The following MCCC1 variants were observed in gnomAD, a reference collection of about 807,000 sequenced individuals.
The protein encoded by MCCC1 is methylcrotonoyl-CoA carboxylase subunit alpha, mitochondrial.
In MCCC1, 64 loss-of-function variants were observed where a neutral mutation model predicts 83.8. The ratio of observed to expected loss-of-function variants is 0.76; its 90% CI spans 0.62 to 0.94. MCCC1 has a LOEUF of 0.94. Among genes scored for constraint, MCCC1 ranks in the 40% least tolerant of loss-of-function variants. MCCC1 has a pLI of 0.00. For missense variants in MCCC1, 807 were observed against 904.7 expected (o/e 0.89, Z 1.39); for synonymous variants, 322 against 315.4 (o/e 1.02, Z -0.22).
At chr3:183,059,926 C>T (rs1184392203) in intron 7 of MCCC1, among the ~76,000 whole-genome samples, 1 of 151,878 alleles carries the variant, frequency 6.6e-6, no homozygotes, top group East Asian at 1.9e-4. Flanking sequence ...TCTTTCTTTT[C>T]CTGCATTTGA....
intron 1 of MCCC1, among the ~76,000 whole-genome samples, chr3:183,095,030 TC>T (rs1284883881): frequency 1.3e-5 from 2 of 152,142 alleles, no homozygotes; most frequent in African/African-American, 2.4e-5. Context: ...ACACCTGTAA[TC>T]CCAGCACTTT....
At chr3:183,028,612 T>A (rs972549268) in intron 14 of MCCC1, among the ~76,000 whole-genome samples, 1 of 152,200 alleles carries the variant, frequency 6.6e-6, no homozygotes, top group Non-Finnish European at 1.5e-5. Context: ...TTAGAAGACG[T>A]TAATGACTCA....
chr3:183,108,062 T>C (rs1332421762), intron 1 of MCCC1, among the ~76,000 whole-genome samples: 2 of 152,216 alleles, frequency 1.3e-5, no homozygotes, highest in Admixed American at 6.5e-5. Context: ...CGTTGATCTC[T>C]GTTGTGCAAA....
chr3:183,018,819 C>G (rs1057115545), intron 17 of MCCC1, among the ~76,000 whole-genome samples: 2 of 152,200 alleles, frequency 1.3e-5, no homozygotes, highest in African/African-American at 4.8e-5. Flanking sequence ...TGTTTGAAGT[C>G]TTCAGAGCCC....
chr3:183,079,646 G>A (rs1717342817), intron 4 of MCCC1, among the ~76,000 whole-genome samples: 1 of 152,140 alleles, frequency 6.6e-6, no homozygotes, highest in Non-Finnish European at 1.5e-5. Context: ...TCTGGGGTCT[G>A]GAAGACAGTG....
chr3:183,111,238 C>T (rs1719487971), intron 1 of MCCC1, among the ~76,000 whole-genome samples: 1 of 152,164 alleles, frequency 6.6e-6, no homozygotes, highest in African/African-American at 2.4e-5. Flanking sequence ...ATGCAATACG[C>T]AGCACCCTGT....
At chr3:183,029,938 C>T (rs1036555236) in intron 14 of MCCC1, among the ~76,000 whole-genome samples, 1 of 152,164 alleles carries the variant, frequency 6.6e-6, no homozygotes, top group Non-Finnish European at 1.5e-5. Flanking sequence ...GGAGGCCCCA[C>T]CCTCTCAGTC....
chr3:183,094,608 A>G lies in MCCC1; in HGVS notation c.90-3T>C, dbSNP rs764732302. The G allele has an allele frequency of 3.7e-6, 6 of 1,613,562 alleles. No homozygotes were observed. The East Asian group carries it at 1.3e-4, about 36-fold the overall frequency. ...TTCTTTGCCTCCACACCCATGTCCT[A>G]TAACATAAATCCAAAAGGAATTACA... On this transcript the variant is annotated splice_region_variant and splice_polypyrimidine_tract_variant and intron_variant, in intron 1 of 18. Coordinates refer to ENST00000265594, the MANE Select transcript of MCCC1 (RefSeq NM_020166.5).
intron 1 of MCCC1, among the ~76,000 whole-genome samples, chr3:183,108,959 A>G (rs1719448239): frequency 1.3e-5 from 2 of 152,122 alleles, no homozygotes; most frequent in Admixed American, 1.3e-4. Context: ...TCGGGGCTAC[A>G]CATGCAGGTT....
At chr3:183,020,875 T>C (rs766456395) in intron 16 of MCCC1, among the ~76,000 whole-genome samples, 61 of 152,136 alleles carry the variant, frequency 4.0e-4, no homozygotes, top group Middle Eastern at 3.4e-3. Flanking sequence ...CTGGCTAACA[T>C]GGTGAAACCC....
rs761851977 is a variant in MCCC1 at position 183,071,001 on chromosome 3, C to T, written c.759G>A (p.Pro253=). ...TCAGAAAAATAAGGCCAACCCACCT[C>T]GGTGTGTCTACAAACTTCTCGATCA... ...AMLIEKFVDT[P]RHVEVQVFGD... is the part of the protein sequence containing the mutation. The change falls in exon 7 of 19, where the codon CCG becomes CCA. Residue 253 remains proline, a splice_region_variant and synonymous_variant. Transcript: ENST00000265594. The T allele has an allele frequency of 2.5e-5, 41 of 1,613,624 alleles. No homozygotes were observed. Among genetic ancestry groups the T allele is most frequent in the African/African-American group, 5.3e-5 (4 of 74,918 alleles).
At position 183,020,237 on chromosome 3, in the gene MCCC1, C is replaced by T. The variant is rs1372701692; in HGVS notation, c.1870G>A (p.Glu624Lys). 6.2e-7 allele frequency: 1 copy of T among 1,610,320 alleles called. No homozygotes were observed. The highest frequency in any genetic ancestry group is 2.2e-5 in the East Asian group (1 of 44,846). Residue 624 changes from glutamate (E) to lysine (K), a missense_variant and splice_region_variant, in exon 17 of 19, where the codon GAA becomes AAA. Transcript: ENST00000265594. ...LENTIYLFSK[E>K]GSIEIDIPVP... ...GGAATGTCAATCTCAATACTTCCTT[C>T]CTAGAAACAGAAAACAAACTGAAAA...
chr3:183,104,875 T>C (rs1039293303), intron 1 of MCCC1, among the ~76,000 whole-genome samples: 2 of 152,252 alleles, frequency 1.3e-5, no homozygotes, highest in Non-Finnish European at 2.9e-5. Context: ...CCATTCTGCA[T>C]AGTACTTTTA....
intron 1 of MCCC1, among the ~76,000 whole-genome samples, chr3:183,095,003 G>T (rs955028006): frequency 1.3e-5 from 2 of 152,114 alleles, no homozygotes; most frequent in Non-Finnish European, 2.9e-5. Flanking sequence ...TTCTGCCCTG[G>T]CCAGGCACGG....
intron 4 of MCCC1, among the ~76,000 whole-genome samples, chr3:183,086,297 C>T (rs111758113): frequency 1.1e-4 from 16 of 152,174 alleles, no homozygotes; most frequent in Non-Finnish European, 2.1e-4. Flanking sequence ...AAGTTCCCTA[C>T]GTGGCCCTAG....
intron 10 of MCCC1, among the ~76,000 whole-genome samples, chr3:183,044,639 T>C (rs1159368027): frequency 1.3e-5 from 2 of 152,168 alleles, no homozygotes; most frequent in African/African-American, 4.8e-5. Context: ...CCCAGAATGC[T>C]GTGGCCTTAG....
At chr3:183,048,119 A>G (rs1370527387) in intron 9 of MCCC1, among the ~76,000 whole-genome samples, 2 of 152,238 alleles carry the variant, frequency 1.3e-5, no homozygotes, top group Non-Finnish European at 2.9e-5. Flanking sequence ...GGTGTTATGC[A>G]GCATATGACT....
chr3:183,102,762 T>TG (rs1560294694), upstream of MCCC1, among the ~76,000 whole-genome samples: 12 of 40,018 alleles, frequency 3.0e-4, 1 homozygote, highest in South Asian at 9.9e-4. Flanking sequence ...GAGAAAGTTT[T>TG]TTTTTTTTTT....
intron 7 of MCCC1, among the ~76,000 whole-genome samples, chr3:183,067,903 G>C (rs4859272): frequency 2.6e-5 from 4 of 152,120 alleles, no homozygotes; most frequent in Non-Finnish European, 5.9e-5. Context: ...AAAACACATA[G>C]TAATCTTCCA....
Sources: gnomAD v4.1 joint callset for allele counts (sites outside exome capture counted in the v4.1 genomes callset) on GRCh38, gnomAD v4.1.1 for gene constraint, MANE v1.5 for transcripts, NCBI Gene and HGNC (gene_info 2026-07-23, HGNC 2026-07-21) for gene names.